DAB1: variants seen among roughly 807,000 people sequenced by gnomAD.
The protein encoded by DAB1 is DAB adaptor protein 1, also known as disabled homolog 1.
A neutral mutation model predicts 64.6 loss-of-function variants in DAB1; 15 were observed. The observed-to-expected ratio is 0.23, with a 90% confidence interval of 0.16 to 0.36. The LOEUF is 0.36. Among genes scored for constraint, DAB1 ranks in the 10% least tolerant of loss-of-function variants. The pLI, the probability that DAB1 is intolerant of heterozygous loss-of-function variation, is 1.00. For synonymous variants in DAB1, 235 were observed against 251.9 expected, an observed-to-expected ratio of 0.93 and a Z score of 0.64; for missense variants, 596 against 706.7, an observed-to-expected ratio of 0.84 and a Z score of 1.78.
intron 5 of DAB1, among the ~76,000 whole-genome samples, chr1:57,922,411 G>A (rs562734352): frequency 6.6e-6 from 1 of 151,994 alleles, no homozygotes; most frequent in Non-Finnish European, 1.5e-5. Flanking sequence ...AGAAGGAAGG[G>A]AGGAAGTTTA....
rs17116584 is a variant in DAB1 at position 57,969,017 on chromosome 1, T to A, written n.388-84855A>T. Among the ~76,000 whole-genome samples, 307 of 152,340 alleles carry A rather than the reference T, an allele frequency of 2.0e-3. 7 individuals carry two copies. The East Asian group carries it at 0.045, about 22-fold the overall frequency. ...TAATATGTATAAGTTCTTAAACCTT[T>A]CAGTATCATTCTTGTTTATCTGGAA... On this transcript the variant is annotated intron_variant and non_coding_transcript_variant, in intron 5 of 20. Coordinates refer to the DAB1 transcript ENST00000485760.
intron 7 of DAB1, among the ~76,000 whole-genome samples, chr1:57,446,264 A>T (rs1686131991): frequency 6.6e-6 from 1 of 152,194 alleles, no homozygotes. Context: ...CTGTATGATG[A>T]TTGCTAGAAT....
At chr1:58,464,308 T>C (rs1429815652) in intron 3 of DAB1, among the ~76,000 whole-genome samples, 1 of 152,230 alleles carries the variant, frequency 6.6e-6, no homozygotes. Flanking sequence ...GCTTGACATA[T>C]GCCCAGGGCA....
intron 2 of DAB1, among the ~76,000 whole-genome samples, chr1:58,513,108 G>A (rs867033053): frequency 1.3e-5 from 2 of 152,108 alleles, no homozygotes; most frequent in South Asian, 2.1e-4. Context: ...CCCATGTGTC[G>A]AGGGAGGGAC....
intron 7 of DAB1, among the ~76,000 whole-genome samples, chr1:57,518,036 T>C (rs1362325495): frequency 6.6e-6 from 1 of 152,222 alleles, no homozygotes; most frequent in African/African-American, 2.4e-5. Context: ...CTGAAAGGCC[T>C]TTCTTATATT....
chr1:57,616,403 T>C (rs1390086861), intron 7 of DAB1, among the ~76,000 whole-genome samples: 2 of 152,360 alleles, frequency 1.3e-5, no homozygotes, highest in South Asian at 4.1e-4. Flanking sequence ...ATTGAATCTT[T>C]TTTTAATGCT....
chr1:57,085,430 C>A (rs184844278), intron 4 of DAB1, among the ~76,000 whole-genome samples: 14 of 152,316 alleles, frequency 9.2e-5, no homozygotes, highest in African/African-American at 3.4e-4. Context: ...GCATCAAATA[C>A]TGCCCGCTAC....
chr1:58,510,218 A>T (rs527439129), intron 2 of DAB1, among the ~76,000 whole-genome samples: 89 of 152,194 alleles, frequency 5.8e-4, no homozygotes, highest in Non-Finnish European at 1.0e-3. Context: ...GAACATAAAT[A>T]CAAAAATTCT....
intron 8 of DAB1, among the ~76,000 whole-genome samples, chr1:57,063,296 A>G (rs1650588353): frequency 6.6e-6 from 1 of 152,126 alleles, no homozygotes; most frequent in African/African-American, 2.4e-5. Flanking sequence ...GAGGTGCTAT[A>G]CTGTTCCTGA....
At chr1:57,590,571 T>G (rs535503741) in intron 7 of DAB1, among the ~76,000 whole-genome samples, 45 of 152,120 alleles carry the variant, frequency 3.0e-4, no homozygotes, top group Non-Finnish European at 5.4e-4. Flanking sequence ...AACCTCGTGA[T>G]CTGCACATCT....
At chr1:57,423,217 A>G (rs1229793546) in intron 1 of DAB1, among the ~76,000 whole-genome samples, 12 of 136,458 alleles carry the variant, frequency 8.8e-5, no homozygotes, top group African/African-American at 3.3e-4. Context: ...GAGAGAAGGA[A>G]GAGGGGCGGG....
intron 3 of DAB1, among the ~76,000 whole-genome samples, chr1:58,369,851 T>A (rs1644248911): frequency 6.6e-6 from 1 of 152,348 alleles, no homozygotes; most frequent in South Asian, 2.1e-4. Flanking sequence ...TTCCCTTCAG[T>A]TAATCAGAAT....
intron 3 of DAB1, among the ~76,000 whole-genome samples, chr1:58,493,751 C>G (rs1342649969): frequency 6.6e-6 from 1 of 151,826 alleles, no homozygotes; most frequent in Non-Finnish European, 1.5e-5. Flanking sequence ...CAAACCACTG[C>G]TCAAGGAAAT....
intron 6 of DAB1, among the ~76,000 whole-genome samples, chr1:57,666,662 G>T (rs1252715553): frequency 1.3e-5 from 2 of 151,770 alleles, no homozygotes; most frequent in Non-Finnish European, 2.9e-5. Context: ...AATCAGTATT[G>T]GCTCCACCTT....
intron 6 of DAB1, among the ~76,000 whole-genome samples, chr1:57,798,421 T>C (rs972234819): frequency 1.3e-5 from 2 of 152,232 alleles, no homozygotes; most frequent in Non-Finnish European, 2.9e-5. Flanking sequence ...TGAGGCATTT[T>C]GTCTTCTATG....
chr1:57,358,594 G>T (rs768618734), intron 1 of DAB1, among the ~76,000 whole-genome samples: 16 of 151,540 alleles, frequency 1.1e-4, no homozygotes, highest in Non-Finnish European at 1.6e-4. Flanking sequence ...AACCCTTACT[G>T]GAAACATTCT....
intron 3 of DAB1, among the ~76,000 whole-genome samples, chr1:58,444,588 T>C (rs1645045513): frequency 1.3e-5 from 2 of 152,168 alleles, no homozygotes; most frequent in African/African-American, 4.8e-5. Context: ...CCATCAGCAT[T>C]TACTGCAAGG....
At chr1:58,145,337 A>G (rs1346054957) in intron 5 of DAB1, among the ~76,000 whole-genome samples, 1 of 152,080 alleles carries the variant, frequency 6.6e-6, no homozygotes, top group Non-Finnish European at 1.5e-5. Flanking sequence ...TTTTTGTTGA[A>G]TTGAACTGGT....
intron 5 of DAB1, among the ~76,000 whole-genome samples, chr1:57,963,733 C>T (rs1276345892): frequency 6.6e-6 from 1 of 150,836 alleles, no homozygotes; most frequent in Non-Finnish European, 1.5e-5. Context: ...GGAAGAGGTG[C>T]TGTAACTCTA....
Sources: gnomAD v4.1 joint callset for allele counts (sites outside exome capture counted in the v4.1 genomes callset) on GRCh38, gnomAD v4.1.1 for gene constraint, MANE v1.5 for transcripts, NCBI Gene and HGNC (gene_info 2026-07-23, HGNC 2026-07-21) for gene names.